MAN1A1: variants seen among roughly 807,000 people sequenced by gnomAD.
MAN1A1 encodes mannosyl-oligosaccharide 1,2-alpha-mannosidase IA.
Under a neutral mutation model 70.8 loss-of-function variants are expected in MAN1A1, and 29 were observed. The observed-to-expected ratio is 0.41, with a 90% CI of 0.31 to 0.56. MAN1A1 has a LOEUF of 0.56. Ranked by LOEUF, MAN1A1 falls within the 20% of genes least tolerant of loss-of-function variation. The probability of loss-of-function intolerance (pLI) is 0.29; values close to 1 mark genes in which losing one functional copy is unlikely to be tolerated. For synonymous variants in MAN1A1, 349 were observed against 330.1 expected (o/e 1.06, Z -0.62); for missense variants, 747 against 841.3 (o/e 0.89, Z 1.39).
chr6:119,193,334 T>C (rs1231187586), intron 9 of MAN1A1, among the ~76,000 whole-genome samples: 1 of 152,202 alleles, frequency 6.6e-6, no homozygotes, highest in Non-Finnish European at 1.5e-5. Context: ...GTTCAGATTT[T>C]TATGTGTGGA....
chr6:119,236,052 T>C (rs550325388), intron 6 of MAN1A1, among the ~76,000 whole-genome samples: 1 of 151,804 alleles, frequency 6.6e-6, no homozygotes, highest in South Asian at 2.1e-4. Context: ...GTCAGGAGAA[T>C]TGCTTGAACC....
chr6:119,266,504 T>C (rs1428553252), intron 5 of MAN1A1, among the ~76,000 whole-genome samples: 3 of 151,646 alleles, frequency 2.0e-5, no homozygotes, highest in Non-Finnish European at 2.9e-5. Flanking sequence ...TTTTAACAAA[T>C]GGTGCTGGAA....
intron 11 of MAN1A1, among the ~76,000 whole-genome samples, chr6:119,187,805 T>C (rs1319985468): frequency 2.0e-5 from 3 of 152,134 alleles, no homozygotes; most frequent in Non-Finnish European, 4.4e-5. Flanking sequence ...AAGCATTCAC[T>C]AGATTGGTTT....
intron 9 of MAN1A1, 68 bp from the exon 10 acceptor site, chr6:119,189,951 A>C (rs1288087794): frequency 1.7e-6 from 2 of 1,209,468 alleles, no homozygotes; most frequent in African/African-American, 3.2e-5. Context: ...AATATGCCCA[A>C]CATTAAAAAA....
chr6:119,249,172 G>A (rs964327872), intron 5 of MAN1A1, among the ~76,000 whole-genome samples: 2 of 152,082 alleles, frequency 1.3e-5, no homozygotes, highest in African/African-American at 2.4e-5. Context: ...GACAGAAGGC[G>A]GCAAGTGGGG....
Position 119,348,956 on chromosome 6 carries a change from C to A in MAN1A1, c.110G>T (p.Arg37Leu). The A allele has an allele frequency of 6.6e-7, 1 of 1,524,506 alleles. No individual in the cohort carries two copies. Among genetic ancestry groups the A allele is most frequent in the Non-Finnish European group, 8.8e-7 (1 of 1,135,332 alleles). 94.4% of individuals were successfully genotyped at this position (1,524,506 alleles called of 1,614,324 possible). A position where few individuals can be genotyped will look rare whatever the true frequency, so the allele number is the denominator to read the frequency against. ...GRKGSGPAAL[R>L]LTEKFVLLLV... ...CAGCAGCACGAACTTCTCCGTCAGG[C>A]GGAGGGCGGCGGGGCCCGACCCCTT... is the stretch of plus-strand genomic sequence containing the variant. Residue 37 changes from arginine (R) to leucine (L), a missense_variant, in exon 2 of 13, where the codon CGC (arginine) becomes CTC (leucine). Physicochemically the swap from Arg to Leu is moderately radical, Grantham distance 102. Transcript: ENST00000368468.
intron 2 of MAN1A1, among the ~76,000 whole-genome samples, chr6:119,312,080 G>C (rs1041522979): frequency 6.6e-6 from 1 of 152,122 alleles, no homozygotes. Flanking sequence ...TGAAAGGGAA[G>C]AAGTTCTGTG....
At position 119,179,587 on chromosome 6, in the gene MAN1A1, T is replaced by C. The variant is rs182708963; in HGVS notation, c.*232A>G. ...TGAAATCCAGAGATAATAGGTTACT[T>C]AAAAACATAAACAAAAAACTGGTGG... On this transcript the variant is annotated 3_prime_UTR_variant, in exon 13 of 13. Transcript: ENST00000368468. 2.8e-3 allele frequency: 836 copies of C among 298,796 alleles called. 8 individuals carry two copies. The highest frequency in any genetic ancestry group is 0.016 in the African/African-American group (783 of 47,654). 18.5% of individuals were successfully genotyped at this position (298,796 alleles called of 1,614,324 possible). A position where few individuals can be genotyped will look rare whatever the true frequency, so the allele number is the denominator to read the frequency against.
At chr6:119,189,087 T>C (rs1773369853) in intron 10 of MAN1A1, among the ~76,000 whole-genome samples, 1 of 152,196 alleles carries the variant, frequency 6.6e-6, no homozygotes, top group South Asian at 2.1e-4. Flanking sequence ...AATTTAGTCA[T>C]TGAAAAGAGT....
Position 119,224,241 on chromosome 6 carries a change from A to C in MAN1A1, c.993-19359T>G, listed in dbSNP as rs376611916. 3.9e-5 allele frequency among the ~76,000 whole-genome samples: 6 copies of C among 152,330 alleles called. No homozygotes were observed. The East Asian group carries it at 9.6e-4, about 24-fold the overall frequency. Reference sequence around the variant, plus strand: ...AGGGATAGCTACCTTTGAAAGAAAGACTGCACTAGACAAGATTTCATGTTT... The same window carrying C: ...AGGGATAGCTACCTTTGAAAGAAAGCCTGCACTAGACAAGATTTCATGTTT... On this transcript the variant is annotated intron_variant, in intron 6 of 12. Coordinates refer to ENST00000368468, the MANE Select transcript of MAN1A1 (RefSeq NM_005907.4).
rs149258246 is a variant in MAN1A1, at chr6:119,233,843, A to G, written c.992+14417T>C. Among the ~76,000 whole-genome samples the G allele has an allele frequency of 3.9e-5, 6 of 152,338 alleles. No homozygotes were observed. In the East Asian group the frequency reaches 1.2e-3, roughly 29 times the overall value. On this transcript the variant is annotated intron_variant, in intron 6 of 12. Transcript: ENST00000368468. Reference sequence around the variant, plus strand: ...AGAGGCTTTTGATGTATTGCGGATTATGAGTTATAGAGTGCCACCAATGCA... The same window carrying G: ...AGAGGCTTTTGATGTATTGCGGATTGTGAGTTATAGAGTGCCACCAATGCA...
chr6:119,179,751 T>C lies in MAN1A1; in HGVS notation c.*68A>G, dbSNP rs3756943. The C allele has an allele frequency of 0.16, 230,696 of 1,433,190 alleles. 19,727 individuals carry two copies. The highest frequency in any genetic ancestry group is 0.23 in the Middle Eastern group (1,239 of 5,406). The allele number at this position is 1,433,190 out of a possible 1,614,324, so 88.8% of individuals were successfully genotyped here. The stretch of plus-strand genomic sequence containing the variant: ...AATCAAAGTTCATCATGTGCCTGAT[T>C]ACCAGAAAAGGAATTATTAAGGTAT... On this transcript the variant is annotated 3_prime_UTR_variant, in exon 13 of 13. Transcript: ENST00000368468.
intron 4 of MAN1A1, among the ~76,000 whole-genome samples, 196 bp from the exon 5 acceptor site, chr6:119,290,959 C>A (rs1024326382): frequency 7.2e-5 from 11 of 151,900 alleles, no homozygotes; most frequent in African/African-American, 2.7e-4. Context: ...CGAAACATCA[C>A]TAACGGACCC....
rs151039498 is a variant in MAN1A1, at chr6:119,346,683, G to T, written c.603+1780C>A. On this transcript the variant is annotated intron_variant, in intron 2 of 12. Transcript: ENST00000368468. Reference sequence around the variant, plus strand: ...GCTACTGCCCCACTGGTTCTGCTCTGAATGCACTTGTAATCACTCTTGGTC... The same window carrying T: ...GCTACTGCCCCACTGGTTCTGCTCTTAATGCACTTGTAATCACTCTTGGTC... 2.1e-4 allele frequency among the ~76,000 whole-genome samples: 32 copies of T among 152,290 alleles called. No individual in the cohort carries two copies. In the East Asian group the frequency reaches 6.0e-3, roughly 28 times the overall value.
chr6:119,283,299 A>G (rs9489662), intron 5 of MAN1A1, among the ~76,000 whole-genome samples: 57,486 of 152,112 alleles, frequency 0.38, 11,351 homozygotes, highest in Non-Finnish European at 0.41. Flanking sequence ...TTTCTGTTGC[A>G]GTTTTAAAAA....
chr6:119,224,670 G>A (rs1774456473), intron 6 of MAN1A1, among the ~76,000 whole-genome samples: 1 of 152,178 alleles, frequency 6.6e-6, no homozygotes, highest in African/African-American at 2.4e-5. Flanking sequence ...CGTGACCCAT[G>A]CTCAGGAAGA....
intron 5 of MAN1A1, among the ~76,000 whole-genome samples, chr6:119,251,304 C>T (rs1582736490): frequency 6.6e-6 from 1 of 152,164 alleles, no homozygotes; most frequent in African/African-American, 2.4e-5. Flanking sequence ...ACGGTTCAAC[C>T]ACCTCTATGA....
chr6:119,265,705 C>G (rs1204294303), intron 5 of MAN1A1, among the ~76,000 whole-genome samples: 2 of 151,832 alleles, frequency 1.3e-5, no homozygotes, highest in African/African-American at 4.8e-5. Flanking sequence ...AGAAGATTTC[C>G]CACTAACATC....
At chr6:119,189,918 T>C in intron 9 of MAN1A1, 35 bp from the exon 10 acceptor site, 1 of 1,500,480 alleles carries the variant, frequency 6.7e-7, no homozygotes, top group South Asian at 1.1e-5. Flanking sequence ...CATTTTGTAA[T>C]CTCTTCTCAA....
Sources: gnomAD v4.1 joint callset for allele counts (sites outside exome capture counted in the v4.1 genomes callset) on GRCh38, gnomAD v4.1.1 for gene constraint, MANE v1.5 for transcripts, NCBI Gene and HGNC (gene_info 2026-07-23, HGNC 2026-07-21) for gene names.